Variants in STRN3 observed in about 807,000 individuals in gnomAD.
The protein encoded by STRN3 is striatin 3, also known as striatin-3.
STRN3 carries 29 observed loss-of-function variants against 95.6 expected under a neutral mutation model. The observed-to-expected ratio is 0.30, with a 90% CI of 0.23 to 0.41. The LOEUF (loss-of-function observed/expected upper bound fraction) is 0.41, where lower values mean the gene tolerates loss of function less well. Ranked by LOEUF, STRN3 falls within the 10% of genes least tolerant of loss-of-function variation. The pLI, the probability that STRN3 is intolerant of heterozygous loss-of-function variation, is 1.00. For missense variants in STRN3, 890 were observed against 972.1 expected (o/e 0.92, Z 1.12); for synonymous variants, 331 against 357.6 (o/e 0.93, Z 0.84).
chr14:30,942,348 A>G (rs1010013288), intron 5 of STRN3, among the ~76,000 whole-genome samples: 1 of 152,212 alleles, frequency 6.6e-6, no homozygotes, highest in African/African-American at 2.4e-5. Context: ...ATCTGTGGAT[A>G]ATTTTTCTCT....
chr14:31,010,086 G>A (rs1227244195), intron 1 of STRN3, among the ~76,000 whole-genome samples: 1 of 152,142 alleles, frequency 6.6e-6, no homozygotes, highest in Non-Finnish European at 1.5e-5. Flanking sequence ...AAGCCTGGGT[G>A]ACGGTATGAG....
chr14:30,931,908 G>C (rs1878556538), intron 7 of STRN3: 1 of 152,202 alleles, frequency 6.6e-6, no homozygotes, highest in Non-Finnish European at 1.5e-5. Flanking sequence ...TGTGAGTAAG[G>C]ACTAGAGTAT....
intron 10 of STRN3, among the ~76,000 whole-genome samples, chr14:30,913,257 T>G (rs1594426904): frequency 6.6e-6 from 1 of 152,140 alleles, no homozygotes; most frequent in East Asian, 1.9e-4. Context: ...TTGAGATAAT[T>G]GAGAGTTGAC....
chr14:30,935,409 G>A, intron 6 of STRN3, 105 bp from the exon 7 acceptor site: 4 of 1,295,244 alleles, frequency 3.1e-6, no homozygotes, highest in Admixed American at 2.8e-5. Flanking sequence ...AAAATTACTT[G>A]GATCAAAAAT....
At chr14:31,021,040 AACTC>A (rs1185972455) in intron 1 of STRN3, among the ~76,000 whole-genome samples, 1 of 152,204 alleles carries the variant, frequency 6.6e-6, no homozygotes, top group Non-Finnish European at 1.5e-5. Flanking sequence ...GAATCAATAA[AACTC>A]ACAGGCCATA....
intron 1 of STRN3, among the ~76,000 whole-genome samples, chr14:30,958,696 A>C (rs1880038513): frequency 6.6e-6 from 1 of 152,252 alleles, no homozygotes; most frequent in South Asian, 2.1e-4. Flanking sequence ...CTTCTGAAGA[A>C]GTAAAAATTG....
At chr14:31,000,273 T>C (rs192287205) in intron 1 of STRN3, among the ~76,000 whole-genome samples, 1 of 152,128 alleles carries the variant, frequency 6.6e-6, no homozygotes, top group African/African-American at 2.4e-5. Context: ...GAGTCTTTTT[T>C]TCTTCCCAAT....
chr14:30,924,369 C>T (rs1372478500), intron 8 of STRN3, among the ~76,000 whole-genome samples: 1 of 140,484 alleles, frequency 7.1e-6, no homozygotes, highest in East Asian at 2.1e-4. Context: ...CTCACTGCAA[C>T]CTCCGTCTCC....
intron 1 of STRN3, among the ~76,000 whole-genome samples, chr14:30,975,572 G>C (rs751753501): frequency 4.9e-5 from 7 of 143,456 alleles, no homozygotes; most frequent in Non-Finnish European, 1.1e-4. Context: ...AAGAAAGAAA[G>C]AGAACGAAAG....
At chr14:30,918,563 T>C (rs1594434778) in intron 9 of STRN3, among the ~76,000 whole-genome samples, 1 of 152,102 alleles carries the variant, frequency 6.6e-6, no homozygotes, top group South Asian at 2.1e-4. Flanking sequence ...GGCACCATAG[T>C]TGTCTTCTAG....
intron 1 of STRN3, among the ~76,000 whole-genome samples, chr14:30,998,405 C>CT (rs1311053882): frequency 3.3e-5 from 5 of 152,192 alleles, no homozygotes; most frequent in African/African-American, 9.7e-5. Flanking sequence ...TTGAAAAACT[C>CT]TGACATATTC....
intron 8 of STRN3, among the ~76,000 whole-genome samples, chr14:30,924,284 A>ATTTTTTTTTTTT (rs1896959157): frequency 2.1e-5 from 1 of 47,320 alleles, no homozygotes; most frequent in Non-Finnish European, 4.2e-5. Flanking sequence ...TCATGCCTTA[A>ATTTTTTTTTTTT]ATCTTTTTTT....
At chr14:30,923,738 T>A in intron 8 of STRN3, among the ~76,000 whole-genome samples, 1 of 152,090 alleles carries the variant, frequency 6.6e-6, no homozygotes. Context: ...GAATAACAGC[T>A]CCTATCAAAG....
chr14:30,912,193 A>G lies in STRN3; in HGVS notation c.1375-11T>C, dbSNP rs768115011. On this transcript the variant is annotated splice_polypyrimidine_tract_variant and intron_variant, in intron 10 of 17. Coordinates refer to ENST00000357479, the MANE Select transcript of STRN3 (RefSeq NM_001083893.2). ...TTTATTAGCAGGCAACTAAAAGGAA[A>G]GAGCACAATATTTAGTGGTAAAAGT... 6.2e-7 allele frequency: 1 copy of G among 1,609,748 alleles called. No individual in the cohort carries two copies. The highest frequency in any genetic ancestry group is 8.5e-7 in the Non-Finnish European group (1 of 1,178,558).
intron 1 of STRN3, among the ~76,000 whole-genome samples, chr14:30,961,717 G>C (rs1376827374): frequency 6.6e-6 from 1 of 152,154 alleles, no homozygotes; most frequent in Non-Finnish European, 1.5e-5. Flanking sequence ...TAAGTCCTGG[G>C]CTCAGGTGAT....
At chr14:30,987,064 A>G (rs928920588) in intron 1 of STRN3, among the ~76,000 whole-genome samples, 1 of 152,164 alleles carries the variant, frequency 6.6e-6, no homozygotes, top group Non-Finnish European at 1.5e-5. Context: ...TACCCTCTTT[A>G]TGGTACAAGA....
intron 1 of STRN3, among the ~76,000 whole-genome samples, chr14:30,965,352 A>G (rs183679644): frequency 7.2e-5 from 11 of 152,218 alleles, no homozygotes; most frequent in Admixed American, 7.2e-4. Context: ...TATTTACCCC[A>G]GTTAATTTAC....
At chr14:31,013,431 C>A (rs946096110) in intron 1 of STRN3, among the ~76,000 whole-genome samples, 1 of 151,378 alleles carries the variant, frequency 6.6e-6, no homozygotes, top group Non-Finnish European at 1.5e-5. Flanking sequence ...CCACATTGTA[C>A]CAGAAAAGGA....
chr14:30,973,086 G>A (rs556748363), intron 1 of STRN3, among the ~76,000 whole-genome samples: 3 of 152,124 alleles, frequency 2.0e-5, no homozygotes, highest in East Asian at 3.9e-4. Context: ...GCACCCGCCC[G>A]TAATCCCAGT....
Sources: gnomAD v4.1 joint callset for allele counts (sites outside exome capture counted in the v4.1 genomes callset) on GRCh38, gnomAD v4.1.1 for gene constraint, MANE v1.5 for transcripts, NCBI Gene and HGNC (gene_info 2026-07-23, HGNC 2026-07-21) for gene names.